The following GPHN variants were observed in gnomAD, a reference collection of about 807,000 sequenced individuals.
GPHN encodes gephyrin.
In GPHN, 17 loss-of-function variants were observed where a neutral mutation model predicts 95.5. That is an observed-to-expected ratio of 0.18 (90% confidence interval 0.12 to 0.27). The LOEUF is 0.27. Among genes scored for constraint, GPHN ranks in the 10% least tolerant of loss-of-function variants. The pLI is 1.00. For synonymous variants in GPHN, 320 were observed against 322.5 expected, an observed-to-expected ratio of 0.99 and a Z score of 0.08; for missense variants, 660 against 978.1, an observed-to-expected ratio of 0.67 and a Z score of 4.34.
chr14:67,519,636 C>T, the GPHN span, among the ~76,000 whole-genome samples: 1 of 151,970 alleles, frequency 6.6e-6, no homozygotes, highest in Admixed American at 6.6e-5. Context: ...CAAGTACCCC[C>T]CAAACAGCGA....
chr14:66,942,073 A>G (rs2153573341), intron 8 of GPHN, among the ~76,000 whole-genome samples: 1 of 152,282 alleles, frequency 6.6e-6, no homozygotes, highest in Non-Finnish European at 1.5e-5. Context: ...GTGCAATGGC[A>G]TGATCTTGGC....
At chr14:67,118,698 C>A (rs1416002589) in intron 16 of GPHN, among the ~76,000 whole-genome samples, 5 of 151,652 alleles carry the variant, frequency 3.3e-5, no homozygotes, top group Non-Finnish European at 5.9e-5. Flanking sequence ...ACTGCACTCA[C>A]TACAGCCAGG....
intron 1 of GPHN, among the ~76,000 whole-genome samples, chr14:66,565,968 CT>C (rs60387447): frequency 1.3e-3 from 188 of 142,996 alleles, no homozygotes; most frequent in South Asian, 1.8e-3. Context: ...AAAGAAAATT[CT>C]TTTTTTTTTT....
chr14:67,223,858 C>G, the GPHN span: 1 of 985,650 alleles, frequency 1.0e-6, no homozygotes, highest in East Asian at 1.1e-4. Flanking sequence ...TCTCACTTAA[C>G]ACCCTGTACC....
the GPHN span, chr14:67,619,780 G>A: frequency 1.1e-5 from 6 of 544,288 alleles, no homozygotes; most frequent in African/African-American, 2.0e-5. Context: ...CAGCCTTGCA[G>A]AGCGGTGGGC....
chr14:66,643,474 A>T (rs1389596026), intron 1 of GPHN, among the ~76,000 whole-genome samples: 1 of 152,110 alleles, frequency 6.6e-6, no homozygotes, highest in Admixed American at 6.6e-5. Context: ...ATTGGAAACA[A>T]TCCAAATGTC....
the GPHN span, among the ~76,000 whole-genome samples, chr14:67,625,154 C>T: frequency 6.7e-6 from 1 of 148,318 alleles, no homozygotes; most frequent in Non-Finnish European, 1.5e-5. Context: ...TGGATATCCA[C>T]ATTAAAAAAA....
the GPHN span, among the ~76,000 whole-genome samples, chr14:67,501,588 T>C: frequency 6.6e-6 from 1 of 152,150 alleles, no homozygotes; most frequent in Non-Finnish European, 1.5e-5. Flanking sequence ...GCTATAGTTA[T>C]ATTGGAGCCA....
At chr14:67,578,725 C>T in the GPHN span, 34 of 815,050 alleles carry the variant, frequency 4.2e-5, no homozygotes, top group African/African-American at 4.7e-4. The surrounding 1 kb of genome is among the most constrained non-coding windows in gnomAD (Gnocchi z 5.0). Flanking sequence ...GACCAGATCA[C>T]TCCTGTCCTC....
chr14:67,023,614 G>C lies in GPHN; in HGVS notation c.964-19G>C. On this transcript the variant is annotated intron_variant, in intron 9 of 22. Coordinates refer to ENST00000478722, the MANE Select transcript of GPHN (RefSeq NM_020806.5). The stretch of plus-strand genomic sequence containing the variant: ...CATGCTATAAACCCTAAATTACTGA[G>C]TTTATGCTCTTTCTACAGGTCCAGT... 1 of 1,610,314 alleles carries C rather than the reference G, an allele frequency of 6.2e-7. No individual in the cohort carries two copies. Among genetic ancestry groups the C allele is most frequent in the Non-Finnish European group, 8.5e-7 (1 of 1,176,670 alleles).
intron 1 of GPHN, among the ~76,000 whole-genome samples, chr14:66,554,038 CTTA>C (rs1052104297): frequency 3.7e-4 from 57 of 152,224 alleles, no homozygotes; most frequent in African/African-American, 1.2e-3. Flanking sequence ...CTTATTTCAT[CTTA>C]TTATGAAATG....
At chr14:67,087,438 A>G (rs192410915) in intron 11 of GPHN, among the ~76,000 whole-genome samples, 1 of 140,690 alleles carries the variant, frequency 7.1e-6, no homozygotes, top group Admixed American at 7.0e-5. Flanking sequence ...TTAATGTTAT[A>G]TATGTGAATA....
intron 1 of GPHN, among the ~76,000 whole-genome samples, chr14:66,586,407 T>C (rs2140530282): frequency 6.6e-6 from 1 of 152,330 alleles, no homozygotes; most frequent in Middle Eastern, 3.4e-3. Flanking sequence ...AGTATTGTTA[T>C]GTGTGAATTT....
At chr14:67,281,591 C>T in the GPHN span, among the ~76,000 whole-genome samples, 7 of 152,078 alleles carry the variant, frequency 4.6e-5, no homozygotes, top group South Asian at 1.2e-3. Context: ...TGGATTGATT[C>T]TTCTGTTTTT....
At chr14:67,340,727 G>A in the GPHN span, among the ~76,000 whole-genome samples, 5 of 152,136 alleles carry the variant, frequency 3.3e-5, no homozygotes, top group South Asian at 4.1e-4. Flanking sequence ...ATGCCGAGCC[G>A]AAGCTGGACT....
intron 9 of GPHN, among the ~76,000 whole-genome samples, chr14:66,971,093 C>G (rs2069733487): frequency 6.6e-6 from 1 of 152,116 alleles, no homozygotes; most frequent in Non-Finnish European, 1.5e-5. Context: ...CTTTGGGAGG[C>G]CAAGGCAGGT....
chr14:66,595,916 T>A (rs1208788304), intron 1 of GPHN, among the ~76,000 whole-genome samples: 3 of 152,172 alleles, frequency 2.0e-5, no homozygotes, highest in Non-Finnish European at 2.9e-5. Flanking sequence ...GAATGAGTTA[T>A]GTGGACAAGT....
chr14:67,393,132 C>G, the GPHN span: 1 of 1,581,860 alleles, frequency 6.3e-7, no homozygotes, highest in Non-Finnish European at 8.7e-7. Flanking sequence ...CCAGCCCGGC[C>G]CTGGGGGACA....
chr14:67,606,097 C>T, the GPHN span, among the ~76,000 whole-genome samples: 1 of 152,168 alleles, frequency 6.6e-6, no homozygotes, highest in Non-Finnish European at 1.5e-5. Flanking sequence ...CATTAATCTA[C>T]CATAGTTTAC....
Sources: allele counts gnomAD v4.1 joint callset (sites outside exome capture counted in the v4.1 genomes callset), GRCh38; gene constraint gnomAD v4.1.1; non-coding constraint Gnocchi (gnomAD v3.1); transcripts MANE v1.5; gene names NCBI Gene and HGNC (gene_info 2026-07-23, HGNC 2026-07-21).